KIAA1217: variants seen among roughly 807,000 people sequenced by gnomAD.
KIAA1217 encodes the protein sickle tail protein homolog.
KIAA1217 carries 88 observed loss-of-function variants against 163.9 expected under a neutral mutation model. The observed-to-expected ratio is 0.54, with a 90% CI of 0.45 to 0.64. KIAA1217 has a LOEUF of 0.64. Among genes scored for constraint, KIAA1217 ranks in the 30% least tolerant of loss-of-function variants. The probability of loss-of-function intolerance (pLI) is 0.00; values close to 1 mark genes in which losing one functional copy is unlikely to be tolerated. For synonymous variants in KIAA1217, 903 were observed against 923.1 expected (o/e 0.98, Z 0.39); for missense variants, 2,372 against 2,475.0 (o/e 0.96, Z 0.88).
intron 2 of KIAA1217, among the ~76,000 whole-genome samples, chr10:24,272,988 C>T (rs538814456): frequency 2.0e-5 from 3 of 152,260 alleles, no homozygotes; most frequent in East Asian, 1.9e-4. Flanking sequence ...ACTCTCATTG[C>T]GTAAAAGTCT....
In KIAA1217 at chr10:23,855,430, G is replaced by C. The variant is rs973517534; in HGVS notation, c.-320-151795G>C. Among the ~76,000 whole-genome samples, 25 of 152,192 alleles carry C rather than the reference G, an allele frequency of 1.6e-4. No individual in the cohort carries two copies. In the East Asian group the frequency reaches 1.9e-3, roughly 12 times the overall value. On this transcript the variant is annotated intron_variant, in intron 1 of 18. Coordinates refer to the KIAA1217 transcript ENST00000376462. ...CCTTTGTGGGTAACCCGACCTTTCT[G>C]TCTGGCTGCCCTTAACATTTTTTCC...
At chr10:23,814,302 G>C (rs1174083852) in intron 1 of KIAA1217, among the ~76,000 whole-genome samples, 1 of 152,166 alleles carries the variant, frequency 6.6e-6, no homozygotes, top group Non-Finnish European at 1.5e-5. Context: ...AGGGACTCCA[G>C]CTTACTCCTA....
chr10:23,865,569 T>C (rs1317472924), intron 1 of KIAA1217, among the ~76,000 whole-genome samples: 2 of 152,202 alleles, frequency 1.3e-5, no homozygotes, highest in South Asian at 2.1e-4. Flanking sequence ...TCTAAATGTT[T>C]TTCTTAAACT....
At chr10:24,362,669 G>A (rs536247375) in intron 2 of KIAA1217, among the ~76,000 whole-genome samples, 167 of 152,240 alleles carry the variant, frequency 1.1e-3, no homozygotes, top group Non-Finnish European at 2.0e-3. Flanking sequence ...CTTCCAGAGA[G>A]TCAAAATTTG....
chr10:24,302,932 T>C (rs1203902108), intron 2 of KIAA1217, among the ~76,000 whole-genome samples: 3 of 152,110 alleles, frequency 2.0e-5, no homozygotes, highest in African/African-American at 4.8e-5. Context: ...GGGTGGGACA[T>C]AGTCAAGGTC....
At chr10:23,704,172 G>GTGTGTGTGTGTGTGTATATATA (rs1229370789) in intron 1 of KIAA1217, among the ~76,000 whole-genome samples, 2 of 39,948 alleles carry the variant, frequency 5.0e-5, no homozygotes, top group African/African-American at 2.7e-4. Flanking sequence ...GTGTGTGTGT[G>GTGTGTGTGTGTGTGTATATATA]TATATATATA....
intron 2 of KIAA1217, among the ~76,000 whole-genome samples, chr10:24,364,219 TCCACCCGC>T (rs76484596): frequency 0.016 from 2,454 of 152,182 alleles, 40 homozygotes; most frequent in Non-Finnish European, 0.026. Context: ...GCTCAGGTGA[TCCACCCGC>T]CTCAGCCTCC....
chr10:24,436,788 A>G (rs2060080699), intron 4 of KIAA1217, among the ~76,000 whole-genome samples: 1 of 150,204 alleles, frequency 6.7e-6, no homozygotes, highest in Non-Finnish European at 1.5e-5. Flanking sequence ...AAAAAAAGAC[A>G]AAAGAAAAGT....
chr10:23,811,621 G>C (rs555190673), intron 1 of KIAA1217, among the ~76,000 whole-genome samples: 1 of 151,936 alleles, frequency 6.6e-6, no homozygotes, highest in Non-Finnish European at 1.5e-5. Context: ...GGGGAAGCTG[G>C]AATTAGATGT....
intron 1 of KIAA1217, among the ~76,000 whole-genome samples, chr10:23,984,694 T>C (rs1845900892): frequency 6.6e-6 from 1 of 150,758 alleles, no homozygotes; most frequent in Admixed American, 6.6e-5. Context: ...TTCTCACTCA[T>C]AAGTGGGAGT....
chr10:24,544,478 T>TCTG lies in KIAA1217; in HGVS notation c.5208_5209insCTG (p.Arg1736_Lys1737insLeu). ...CTACGTCGATACCTTCAGCTTCACG[T>TCTG]AAGGTATCTTGGTCTGCTGGAAAAT... On this transcript the variant is annotated inframe_insertion, in exon 19 of 21. Transcript: ENST00000376454. 6.2e-7 allele frequency: 1 copy of TCTG among 1,608,270 alleles called. No individual in the cohort carries two copies.
chr10:24,459,188 A>G (rs942353135), intron 5 of KIAA1217, among the ~76,000 whole-genome samples: 2 of 152,064 alleles, frequency 1.3e-5, no homozygotes, highest in African/African-American at 4.8e-5. Flanking sequence ...GGACTTTCCT[A>G]TCCCTTGTCC....
chr10:24,211,432 G>A (rs970617880), intron 1 of KIAA1217, among the ~76,000 whole-genome samples: 2 of 136,222 alleles, frequency 1.5e-5, no homozygotes, highest in African/African-American at 5.4e-5. Flanking sequence ...GTGCAGTGGT[G>A]TGATCATAGC....
rs115557481 is a variant in KIAA1217, at chr10:24,378,809, A to G, written c.355-2060A>G. Reference sequence around the variant, plus strand: ...GTGATCGTTTTCAGTGAGAACGTGAATAACAACAAAAAGAGGAGTTTACAT... The same window carrying G: ...GTGATCGTTTTCAGTGAGAACGTGAGTAACAACAAAAAGAGGAGTTTACAT... On this transcript the variant is annotated intron_variant, in intron 2 of 20. Transcript: ENST00000376454. 4.3e-3 allele frequency among the ~76,000 whole-genome samples: 659 copies of G among 152,338 alleles called. 10 individuals carry two copies. The highest frequency in any genetic ancestry group is 0.015 in the African/African-American group (604 of 41,574).
At chr10:24,062,843 A>G (rs943128529) in intron 2 of KIAA1217, among the ~76,000 whole-genome samples, 46 of 152,158 alleles carry the variant, frequency 3.0e-4, no homozygotes, top group African/African-American at 8.9e-4. Context: ...AATTGGTGTG[A>G]GATGGTATCT....
chr10:23,758,626 T>TTCTCTCTCTCTCTCTCTC (rs573288653), intron 1 of KIAA1217, among the ~76,000 whole-genome samples: 3 of 116,920 alleles, frequency 2.6e-5, no homozygotes, highest in Admixed American at 9.0e-5. Flanking sequence ...CTTTCTTACT[T>TTCTCTCTCTCTCTCTCTC]TCTCTCTCTC....
intron 1 of KIAA1217, among the ~76,000 whole-genome samples, chr10:23,723,617 A>G (rs1290955970): frequency 6.6e-6 from 1 of 152,090 alleles, no homozygotes; most frequent in African/African-American, 2.4e-5. Context: ...GTCATTTCCA[A>G]TTGCAAGTAT....
chr10:24,156,222 A>G (rs991047960), intron 2 of KIAA1217, among the ~76,000 whole-genome samples: 1 of 152,194 alleles, frequency 6.6e-6, no homozygotes, highest in African/African-American at 2.4e-5. Flanking sequence ...GGTATCATAC[A>G]TACTCCATTT....
chr10:24,133,299 A>G (rs1390360006), intron 2 of KIAA1217, among the ~76,000 whole-genome samples: 1 of 152,158 alleles, frequency 6.6e-6, no homozygotes, highest in Non-Finnish European at 1.5e-5. Flanking sequence ...TTGGCTAGGC[A>G]CGGTGTCTCA....
Sources: allele counts gnomAD v4.1 joint callset (sites outside exome capture counted in the v4.1 genomes callset), GRCh38; gene constraint gnomAD v4.1.1; transcripts MANE v1.5; gene names NCBI Gene and HGNC (gene_info 2026-07-23, HGNC 2026-07-21).